ASPRV1: variants seen among roughly 807,000 people sequenced by gnomAD.
ASPRV1 encodes the protein retroviral-like aspartic protease 1.
In ASPRV1, 7 loss-of-function variants were observed where a neutral mutation model predicts 11.0. The ratio of observed to expected loss-of-function variants is 0.64; its 90% confidence interval spans 0.36 to 1.20. The LOEUF (loss-of-function observed/expected upper bound fraction) is 1.20, where lower values mean the gene tolerates loss of function less well. ASPRV1 is among the 50% of genes most tolerant of loss of function. The probability of loss-of-function intolerance (pLI) is 0.02; values close to 1 mark genes in which losing one functional copy is unlikely to be tolerated. For missense variants in ASPRV1, 299 were observed against 320.0 expected (o/e 0.93, Z 0.50); for synonymous variants, 136 against 138.4 (o/e 0.98, Z 0.12).
At chr2:70,071,381 C>G in the ASPRV1 span, among the ~76,000 whole-genome samples, 3 of 152,338 alleles carry the variant, frequency 2.0e-5, no homozygotes, top group African/African-American at 7.2e-5. Context: ...GGAAGACTGT[C>G]TTCAAAGGTT....
At chr2:70,025,665 C>T in the ASPRV1 span, among the ~76,000 whole-genome samples, 1 of 152,160 alleles carries the variant, frequency 6.6e-6, no homozygotes, top group African/African-American at 2.4e-5. Context: ...TTTGGTAAAC[C>T]ATCTACCTTG....
At chr2:69,993,977 T>C in the ASPRV1 span, 1 of 152,242 alleles carries the variant, frequency 6.6e-6, no homozygotes, top group Non-Finnish European at 1.5e-5. Flanking sequence ...CACAGAGAAA[T>C]AAGGCACTTG....
chr2:69,996,720 A>C, the ASPRV1 span: 84 of 456,722 alleles, frequency 1.8e-4, no homozygotes, highest in East Asian at 5.3e-3. Context: ...GGGTCCAAAG[A>C]AAGCCACCAT....
the ASPRV1 span, among the ~76,000 whole-genome samples, chr2:69,977,297 A>C: frequency 2.6e-5 from 4 of 152,376 alleles, no homozygotes; most frequent in East Asian, 5.8e-4. Flanking sequence ...ACCTCCAGAC[A>C]AGCACATTTA....
chr2:69,972,067 A>AC, the ASPRV1 span, among the ~76,000 whole-genome samples: 4 of 143,598 alleles, frequency 2.8e-5, no homozygotes, highest in Non-Finnish European at 3.1e-5. Flanking sequence ...TTTCTTTACC[A>AC]TTTTTTTTTT....
downstream of ASPRV1, among the ~76,000 whole-genome samples, chr2:69,956,114 A>G (rs540985689): frequency 5.3e-5 from 8 of 152,348 alleles, no homozygotes; most frequent in South Asian, 1.7e-3. Flanking sequence ...ACACGTCCCA[A>G]GGAGACAGGA....
chr2:70,019,727 TAGAG>T, the ASPRV1 span, among the ~76,000 whole-genome samples: 4 of 151,874 alleles, frequency 2.6e-5, no homozygotes, highest in African/African-American at 9.7e-5. Context: ...CTCATAGAAA[TAGAG>T]AGTAAAATGG....
At chr2:70,024,352 G>A in the ASPRV1 span, among the ~76,000 whole-genome samples, 6 of 152,150 alleles carry the variant, frequency 3.9e-5, no homozygotes, top group Non-Finnish European at 5.9e-5. Context: ...CTAGTAAGTC[G>A]TTCATTAGTT....
chr2:70,023,927 A>C, the ASPRV1 span, among the ~76,000 whole-genome samples: 5 of 152,194 alleles, frequency 3.3e-5, no homozygotes, highest in African/African-American at 9.6e-5. Flanking sequence ...TCCTCAAAGA[A>C]AAGACAGACC....
chr2:69,999,502 A>G, the ASPRV1 span, among the ~76,000 whole-genome samples: 3 of 151,964 alleles, frequency 2.0e-5, no homozygotes, highest in South Asian at 2.1e-4. Flanking sequence ...ACAAAAATAC[A>G]AAAACTAGCC....
chr2:69,953,316 G>T, the ASPRV1 span, among the ~76,000 whole-genome samples: 1 of 152,184 alleles, frequency 6.6e-6, no homozygotes, highest in Non-Finnish European at 1.5e-5. Context: ...TCAGTCCTGG[G>T]GATAACTGGC....
chr2:69,935,830 A>G, the ASPRV1 span, among the ~76,000 whole-genome samples: 5 of 152,170 alleles, frequency 3.3e-5, no homozygotes, highest in Non-Finnish European at 5.9e-5. Flanking sequence ...AGGTCTCCCT[A>G]TATCCCTCTG....
chr2:69,998,864 C>T, the ASPRV1 span, among the ~76,000 whole-genome samples: 3 of 152,178 alleles, frequency 2.0e-5, no homozygotes, highest in Non-Finnish European at 4.4e-5. Context: ...AGGCAGGGCT[C>T]CGGGCATGAC....
chr2:69,969,896 AT>A, the ASPRV1 span, among the ~76,000 whole-genome samples: 26,987 of 143,566 alleles, frequency 0.19, 4,202 homozygotes, highest in African/African-American at 0.43. Context: ...ATTCTCTTAA[AT>A]TTTTTTTTTT....
the ASPRV1 span, among the ~76,000 whole-genome samples, chr2:70,040,543 T>C: frequency 6.6e-6 from 1 of 152,070 alleles, no homozygotes; most frequent in Non-Finnish European, 1.5e-5. Flanking sequence ...AATTAATACT[T>C]AGCAAATACC....
chr2:69,989,575 C>A, the ASPRV1 span, among the ~76,000 whole-genome samples: 3 of 152,242 alleles, frequency 2.0e-5, no homozygotes, highest in Admixed American at 6.5e-5. Flanking sequence ...CTGGCCAGTC[C>A]CGGCGCTCAT....
chr2:70,076,596 C>T, the ASPRV1 span, among the ~76,000 whole-genome samples: 27 of 152,090 alleles, frequency 1.8e-4, no homozygotes, highest in Admixed American at 5.2e-4. Flanking sequence ...TCTCGAATAC[C>T]GTAAGTCAAA....
At chr2:69,979,360 A>T in the ASPRV1 span, among the ~76,000 whole-genome samples, 1,769 of 152,296 alleles carry the variant, frequency 0.012, 42 homozygotes, top group African/African-American at 0.041. Flanking sequence ...AGGACCAGGC[A>T]GAAGCCACCC....
chr2:70,085,351 A>T, the ASPRV1 span, among the ~76,000 whole-genome samples: 453 of 152,248 alleles, frequency 3.0e-3, no homozygotes, highest in Non-Finnish European at 4.6e-3. Context: ...ATAAGACAGC[A>T]TTTCAGCCCG....
Sources: allele counts gnomAD v4.1 joint callset (sites outside exome capture counted in the v4.1 genomes callset), GRCh38; gene constraint gnomAD v4.1.1; transcripts MANE v1.5; gene names NCBI Gene and HGNC (gene_info 2026-07-23, HGNC 2026-07-21).